WWP2: variants seen among roughly 807,000 people sequenced by gnomAD.
WWP2 encodes the protein WW domain containing E3 ubiquitin protein ligase 2.
WWP2 carries 57 observed loss-of-function variants against 121.0 expected under a neutral mutation model. The ratio of observed to expected loss-of-function variants is 0.47; its 90% CI spans 0.38 to 0.59. The LOEUF is 0.59. WWP2 is among the 20% of genes least tolerant of loss of function. The pLI, the probability that WWP2 is intolerant of heterozygous loss-of-function variation, is 0.00. For missense variants in WWP2, 962 were observed against 1,158.9 expected (o/e 0.83, Z 2.47); for synonymous variants, 449 against 441.3 (o/e 1.02, Z -0.22).
chr16:69,847,587 T>C (rs1283074643), intron 6 of WWP2, among the ~76,000 whole-genome samples: 2 of 151,828 alleles, frequency 1.3e-5, no homozygotes, highest in Non-Finnish European at 2.9e-5. Flanking sequence ...TTTGTATTTT[T>C]AGTAGAGATG....
chr16:69,902,120 A>G (rs940582439), intron 8 of WWP2, among the ~76,000 whole-genome samples: 1 of 152,242 alleles, frequency 6.6e-6, no homozygotes, highest in African/African-American at 2.4e-5. Context: ...ACACACTGTA[A>G]CAACGGGTAA....
rs1187147018 is a variant in WWP2, at chr16:69,925,431, C to T, written c.1181C>T (p.Ser394Phe). The T allele has an allele frequency of 6.2e-6, 10 of 1,614,016 alleles. No homozygotes were observed. Among genetic ancestry groups the T allele is most frequent in the Non-Finnish European group, 8.5e-6 (10 of 1,179,932 alleles). ...TTCTGCTGTGTTTCTTGTGTTTAGT[C>T]TTCGAGTGCTTCGACTGACCATGAT... ...QHFSQRFLYQ[S>F]SSASTDHDPL... The change falls in exon 11 of 24, where the codon TCT becomes TTT. Residue 394 changes from serine to phenylalanine, a missense_variant and splice_region_variant. Physicochemically the swap from Ser to Phe is radical, Grantham distance 155 (BLOSUM62 -2). Around this residue, in one of 3 missense-constraint regions of WWP2, gnomAD observed 606 missense variants for 772.6 expected, o/e 0.78. Transcript: ENST00000359154. The surrounding 1 kb of genome is among the most constrained non-coding windows in gnomAD (Gnocchi z 4.0).
rs182460698 is a variant in WWP2 at position 69,901,506 on chromosome 16, G to A, written c.915-7255G>A. Among the ~76,000 whole-genome samples, 423 of 152,114 alleles carry A rather than the reference G, an allele frequency of 2.8e-3. 2 individuals are homozygous for A. Among genetic ancestry groups the A allele is most frequent in the Non-Finnish European group, 4.0e-3 (269 of 67,996 alleles). ...CAGCTCATTGCAAGCTCTGCCTCCC[G>A]GGTTCATGCCATTCTCCTGCTTCAG... On this transcript the variant is annotated intron_variant, in intron 8 of 23. Transcript: ENST00000359154.
intron 6 of WWP2, among the ~76,000 whole-genome samples, chr16:69,857,090 T>C (rs931002370): frequency 1.3e-5 from 2 of 152,152 alleles, no homozygotes; most frequent in African/African-American, 4.8e-5. Flanking sequence ...TTTCCCATCT[T>C]TGACTAACTT....
rs117994247 is a variant in WWP2, at chr16:69,823,887, C to T, written c.341-16239C>T. Among the ~76,000 whole-genome samples, 80 of 152,316 alleles carry T rather than the reference C, an allele frequency of 5.3e-4. 1 individual carries two copies. In the East Asian group the frequency reaches 0.014, roughly 27 times the overall value. On this transcript the variant is annotated intron_variant, in intron 4 of 23. Coordinates refer to ENST00000359154, the MANE Select transcript of WWP2 (RefSeq NM_001270454.2). ...GAAACTTCTTCCATTCCTCTTGAGC[C>T]TGTGGCACAGGGGCGTTGGGCCATC...
In WWP2 at chr16:69,842,120, G is replaced by T. The variant is rs750253078; in HGVS notation, c.575G>T (p.Arg192Leu). Residue 192 changes from arginine (R) to leucine (L), a missense_variant and splice_region_variant, in exon 6 of 24, where the codon CGG (arginine) becomes CTG (leucine). Transcript: ENST00000359154. ...ACAAACTGCTTTGGTGGAAGATCCC[G>T]GTAAGACCCCCCTTGGTGAGGACAA... ...PSTNCFGGRS[R>L]THRHSGASAR... 4 of 1,611,722 alleles carry T rather than the reference G, an allele frequency of 2.5e-6. No homozygotes were observed. In the East Asian group the frequency reaches 8.9e-5, roughly 36 times the overall value.
At chr16:69,853,565 G>A (rs76914349) in intron 6 of WWP2, among the ~76,000 whole-genome samples, 1,695 of 152,306 alleles carry the variant, frequency 0.011, 14 homozygotes, top group South Asian at 0.039. Flanking sequence ...CCTGCAGTGC[G>A]TCAGGGCGGG....
intron 7 of WWP2, among the ~76,000 whole-genome samples, chr16:69,874,806 A>G (rs1597092609): frequency 6.6e-6 from 1 of 152,192 alleles, no homozygotes; most frequent in Non-Finnish European, 1.5e-5. Context: ...CCGATTCTTC[A>G]TCTTTAATGC....
intron 1 of WWP2, among the ~76,000 whole-genome samples, chr16:69,773,096 G>A (rs976884705): frequency 6.6e-6 from 1 of 152,070 alleles, no homozygotes; most frequent in East Asian, 1.9e-4. Flanking sequence ...CTGGGAAGAC[G>A]CTAGTGTCGC....
intron 7 of WWP2, among the ~76,000 whole-genome samples, chr16:69,881,192 AC>A (rs1426969780): frequency 6.6e-6 from 1 of 151,914 alleles, no homozygotes; most frequent in Non-Finnish European, 1.5e-5. Flanking sequence ...GGTCCTTGAT[AC>A]CCTACTTTTC....
chr16:69,843,441 T>G (rs1237153823), intron 6 of WWP2, among the ~76,000 whole-genome samples: 1 of 152,114 alleles, frequency 6.6e-6, no homozygotes, highest in African/African-American at 2.4e-5. Flanking sequence ...GTTTATTGTT[T>G]ATTGCAATGT....
intron 1 of WWP2, among the ~76,000 whole-genome samples, chr16:69,767,036 GT>G (rs552760216): frequency 1.2e-3 from 167 of 137,686 alleles, no homozygotes; most frequent in Admixed American, 1.4e-3. Flanking sequence ...TAGGGGTTTT[GT>G]TTTTTTTTTT....
intron 9 of WWP2, among the ~76,000 whole-genome samples, chr16:69,914,128 A>ATGAG (rs2058444140): frequency 6.7e-6 from 1 of 149,498 alleles, no homozygotes; most frequent in African/African-American, 2.4e-5. Flanking sequence ...AGATAAGAAG[A>ATGAG]TGAGAAGATG....
intron 6 of WWP2, among the ~76,000 whole-genome samples, chr16:69,858,263 G>A (rs866404417): frequency 2.0e-5 from 3 of 152,210 alleles, no homozygotes; most frequent in Middle Eastern, 3.4e-3. Flanking sequence ...GGGAAGTGGT[G>A]CTGAAGCTTT....
chr16:69,826,954 A>AGGG, intron 4 of WWP2, among the ~76,000 whole-genome samples: 1 of 110,428 alleles, frequency 9.1e-6, no homozygotes. Context: ...AAAAAAAAAA[A>AGGG]GGGGGGGGGG....
At chr16:69,895,469 C>T (rs1001334924) in intron 8 of WWP2, among the ~76,000 whole-genome samples, 7 of 152,162 alleles carry the variant, frequency 4.6e-5, no homozygotes, top group East Asian at 1.9e-4. Context: ...AATGTCAGAT[C>T]GGTACAAAAG....
At chr16:69,832,964 C>T (rs193041848) in intron 4 of WWP2, among the ~76,000 whole-genome samples, 22 of 152,330 alleles carry the variant, frequency 1.4e-4, no homozygotes, top group Admixed American at 3.3e-4. Flanking sequence ...AAGTGATTCT[C>T]CTGCCTAGCC....
At chr16:69,873,114 C>G (rs1044313414) in intron 7 of WWP2, among the ~76,000 whole-genome samples, 25 of 152,178 alleles carry the variant, frequency 1.6e-4, no homozygotes, top group Non-Finnish European at 2.9e-5. Context: ...CTCGTGACAG[C>G]AGAGGTGTGG....
chr16:69,926,979 G>A (rs2058649498), intron 11 of WWP2, among the ~76,000 whole-genome samples: 1 of 152,140 alleles, frequency 6.6e-6, no homozygotes, highest in Admixed American at 6.5e-5. Flanking sequence ...CAGTTCTGCT[G>A]AGTGATGGTC....
Sources: gnomAD v4.1 joint callset for allele counts (sites outside exome capture counted in the v4.1 genomes callset) on GRCh38, gnomAD v4.1.1 for gene constraint, gnomAD v4.1.1 regional missense constraint, Gnocchi (gnomAD v3.1) non-coding constraint, MANE v1.5 for transcripts, NCBI Gene and HGNC (gene_info 2026-07-23, HGNC 2026-07-21) for gene names.